Variants in SNX29 observed in about 807,000 individuals in gnomAD.
SNX29 encodes the protein sorting nexin-29.
SNX29 carries 78 observed loss-of-function variants against 102.1 expected under a neutral mutation model. The observed-to-expected ratio is 0.76, with a 90% CI of 0.64 to 0.92. The LOEUF is 0.92. Ranked by LOEUF, SNX29 falls within the 40% of genes least tolerant of loss-of-function variation. SNX29 has a pLI of 0.00. For synonymous variants in SNX29, 580 were observed against 414.5 expected, an observed-to-expected ratio of 1.40 and a Z score of -4.85; for missense variants, 1,280 against 1,061.7, an observed-to-expected ratio of 1.21 and a Z score of -2.86.
intron 3 of SNX29, among the ~76,000 whole-genome samples, chr16:12,018,542 C>T (rs1596605924): frequency 2.0e-5 from 3 of 150,646 alleles, no homozygotes; most frequent in African/African-American, 7.3e-5. Flanking sequence ...GAGATCGTGT[C>T]ACTGCACTTC....
intron 14 of SNX29, among the ~76,000 whole-genome samples, chr16:12,238,093 C>G (rs945635595): frequency 3.9e-5 from 6 of 152,096 alleles, no homozygotes; most frequent in African/African-American, 1.4e-4. Flanking sequence ...GGGAGATGAA[C>G]CTCGGTGGAG....
At chr16:12,266,132 C>A (rs923664021) in intron 14 of SNX29, among the ~76,000 whole-genome samples, 1 of 151,792 alleles carries the variant, frequency 6.6e-6, no homozygotes, top group Non-Finnish European at 1.5e-5. Context: ...ACCATGTTGC[C>A]CAGGTTGGTC....
chr16:12,442,207 C>G (rs899473790), intron 18 of SNX29, among the ~76,000 whole-genome samples: 4 of 152,282 alleles, frequency 2.6e-5, no homozygotes, highest in Middle Eastern at 3.4e-3. Context: ...TCTTGGCACT[C>G]TTGTCAAAAA....
At chr16:12,327,945 C>T (rs997395106) in intron 15 of SNX29, among the ~76,000 whole-genome samples, 6 of 152,140 alleles carry the variant, frequency 3.9e-5, no homozygotes, top group African/African-American at 1.4e-4. Context: ...GCATAATCTC[C>T]GTGTGGAGTT....
chr16:12,421,216 A>C (rs896502466), intron 18 of SNX29, among the ~76,000 whole-genome samples: 5 of 152,198 alleles, frequency 3.3e-5, no homozygotes, highest in African/African-American at 1.2e-4. Flanking sequence ...GCCAGCAGCC[A>C]CTGCTTTATT....
At chr16:12,010,228 T>C (rs1369913502) in intron 3 of SNX29, among the ~76,000 whole-genome samples, 1 of 152,200 alleles carries the variant, frequency 6.6e-6, no homozygotes, top group Non-Finnish European at 1.5e-5. Context: ...TGTAAGGTGT[T>C]TTGACACTTG....
At chr16:12,370,496 G>A (rs956571061) in intron 16 of SNX29, among the ~76,000 whole-genome samples, 3 of 152,160 alleles carry the variant, frequency 2.0e-5, no homozygotes, top group Non-Finnish European at 4.4e-5. Context: ...GGAGGTGGAG[G>A]TTGCAGCAAG....
intron 17 of SNX29, among the ~76,000 whole-genome samples, chr16:12,401,213 A>G (rs1597243670): frequency 6.6e-6 from 1 of 152,280 alleles, no homozygotes; most frequent in Non-Finnish European, 1.5e-5. Context: ...TGAGAAACCA[A>G]TTAGATTTAA....
At chr16:12,553,383 T>G (rs34864354) in intron 20 of SNX29, among the ~76,000 whole-genome samples, 36,701 of 152,128 alleles carry the variant, frequency 0.24, 4,941 homozygotes, top group East Asian at 0.62. Flanking sequence ...TGCTCTCAAG[T>G]TGAACATATA....
At chr16:12,314,902 G>A (rs113358621) in intron 15 of SNX29, among the ~76,000 whole-genome samples, 6,735 of 152,292 alleles carry the variant, frequency 0.044, 226 homozygotes, top group African/African-American at 0.085. Flanking sequence ...CGGGAGGCCT[G>A]TGGCACCAAA....
intron 5 of SNX29, among the ~76,000 whole-genome samples, chr16:12,044,480 G>A (rs1352353248): frequency 6.6e-6 from 1 of 152,204 alleles, no homozygotes; most frequent in Non-Finnish European, 1.5e-5. Flanking sequence ...TGACACTGAT[G>A]ACACCTGTGT....
intron 19 of SNX29, among the ~76,000 whole-genome samples, chr16:12,498,354 C>T (rs1031315696): frequency 1.1e-4 from 17 of 151,928 alleles, no homozygotes; most frequent in Admixed American, 9.2e-4. Flanking sequence ...GGAATTTTAT[C>T]CTGAAAGCAA....
At chr16:12,246,480 A>G (rs1415293333) in intron 14 of SNX29, among the ~76,000 whole-genome samples, 1 of 152,090 alleles carries the variant, frequency 6.6e-6, no homozygotes, top group African/African-American at 2.4e-5. Context: ...ATCTCTCTTA[A>G]AAATACTAAA....
chr16:12,493,378 T>A (rs2088649044), intron 19 of SNX29, among the ~76,000 whole-genome samples: 1 of 152,242 alleles, frequency 6.6e-6, no homozygotes, highest in African/African-American at 2.4e-5. Flanking sequence ...TTTTTGCACA[T>A]TGATTTTGTA....
intron 14 of SNX29, among the ~76,000 whole-genome samples, chr16:12,219,286 C>G (rs370345618): frequency 6.7e-6 from 1 of 149,820 alleles, no homozygotes. Context: ...GTAACATCTT[C>G]TATAAAAGTG....
chr16:12,543,028 C>T (rs62026887), intron 20 of SNX29, among the ~76,000 whole-genome samples: 6 of 152,046 alleles, frequency 3.9e-5, no homozygotes, highest in Non-Finnish European at 7.4e-5. Context: ...ATGGCTGGAT[C>T]CAGAGGCTCA....
rs183863843 is a variant in SNX29, at chr16:12,191,825, A to G, written c.1596-7776A>G. ...ATTTATGCCTCCCTTCTTGCCTTTTATTGGTGCCTATTCTGGGGGAGTCCT... is the reference window on the plus strand; with the variant it reads ...ATTTATGCCTCCCTTCTTGCCTTTTGTTGGTGCCTATTCTGGGGGAGTCCT... On this transcript the variant is annotated intron_variant, in intron 13 of 20. Transcript: ENST00000566228. 7.9e-5 allele frequency among the ~76,000 whole-genome samples: 12 copies of G among 152,252 alleles called. No homozygotes were observed. The East Asian group carries it at 2.3e-3, about 29-fold the overall frequency.
intron 18 of SNX29, among the ~76,000 whole-genome samples, chr16:12,439,188 A>T (rs995637833): frequency 1.3e-5 from 2 of 152,120 alleles, no homozygotes; most frequent in South Asian, 4.1e-4. Flanking sequence ...CAGCCTTGCA[A>T]TGGGAAGCAG....
At chr16:12,219,771 A>T (rs2077425679) in intron 14 of SNX29, among the ~76,000 whole-genome samples, 1 of 152,230 alleles carries the variant, frequency 6.6e-6, no homozygotes, top group African/African-American at 2.4e-5. Context: ...TGTTTCACTG[A>T]AAAGAGTGGA....
Sources: gnomAD v4.1 joint callset for allele counts (sites outside exome capture counted in the v4.1 genomes callset) on GRCh38, gnomAD v4.1.1 for gene constraint, MANE v1.5 for transcripts, NCBI Gene and HGNC (gene_info 2026-07-23, HGNC 2026-07-21) for gene names.